The following LRBA variants were observed in gnomAD, a reference collection of about 807,000 sequenced individuals.
LRBA encodes lipopolysaccharide-responsive and beige-like anchor protein.
LRBA carries 176 observed loss-of-function variants against 330.0 expected under a neutral mutation model. The observed-to-expected ratio is 0.53, with a 90% CI of 0.47 to 0.60. LRBA has a LOEUF of 0.60. Ranked by LOEUF, LRBA falls within the 20% of genes least tolerant of loss-of-function variation. LRBA has a pLI of 0.00. For synonymous variants in LRBA, 1,230 were observed against 1,193.0 expected (o/e 1.03, Z -0.64); for missense variants, 3,259 against 3,444.8 (o/e 0.95, Z 1.35).
intron 44 of LRBA, among the ~76,000 whole-genome samples, chr4:150,448,524 G>A (rs559900914): frequency 1.3e-5 from 2 of 152,238 alleles, no homozygotes; most frequent in South Asian, 2.1e-4. Flanking sequence ...GAAGAAGGCC[G>A]GGCGTGGCGG....
intron 54 of LRBA, among the ~76,000 whole-genome samples, chr4:150,283,594 CT>C (rs924016237): frequency 6.6e-6 from 1 of 152,170 alleles, no homozygotes; most frequent in Non-Finnish European, 1.5e-5. Flanking sequence ...AAAAATAAGG[CT>C]TTTAGCTCTT....
intron 42 of LRBA, among the ~76,000 whole-genome samples, chr4:150,472,628 C>A (rs1270677043): frequency 6.6e-6 from 1 of 152,072 alleles, no homozygotes; most frequent in Non-Finnish European, 1.5e-5. Context: ...TGCCTTGTAC[C>A]TATTTACAGA....
chr4:150,728,916 A>G (rs1386651918), intron 36 of LRBA, among the ~76,000 whole-genome samples: 2 of 152,176 alleles, frequency 1.3e-5, no homozygotes, highest in Non-Finnish European at 2.9e-5. Flanking sequence ...AATTATCTTT[A>G]TTTGCAGATG....
chr4:150,825,109 A>G (rs1746033546), intron 30 of LRBA, among the ~76,000 whole-genome samples: 1 of 152,202 alleles, frequency 6.6e-6, no homozygotes, highest in Admixed American at 6.5e-5. Context: ...AGACACAAAA[A>G]TAAGTTAAAA....
intron 34 of LRBA, among the ~76,000 whole-genome samples, chr4:150,786,113 T>G (rs1739020906): frequency 1.3e-5 from 2 of 152,238 alleles, no homozygotes; most frequent in African/African-American, 4.8e-5. Context: ...TGTTAAGATG[T>G]AGGCATAGTT....
intron 53 of LRBA, among the ~76,000 whole-genome samples, chr4:150,299,927 A>C (rs1269104450): frequency 6.6e-6 from 1 of 152,106 alleles, no homozygotes; most frequent in African/African-American, 2.4e-5. Flanking sequence ...TCTAAGAGGT[A>C]CAATATAGGA....
At chr4:150,622,437 C>T (rs954410121) in intron 37 of LRBA, among the ~76,000 whole-genome samples, 4 of 152,104 alleles carry the variant, frequency 2.6e-5, no homozygotes, top group Non-Finnish European at 4.4e-5. Context: ...ACTTGAGAGG[C>T]TAAAGCAGGA....
At chr4:150,879,703 A>G (rs893342437) in intron 17 of LRBA, among the ~76,000 whole-genome samples, 2 of 152,222 alleles carry the variant, frequency 1.3e-5, no homozygotes, top group Non-Finnish European at 2.9e-5. Flanking sequence ...AAAAATCAGT[A>G]GCATTTCCAA....
intron 9 of LRBA, among the ~76,000 whole-genome samples, chr4:150,910,248 C>A (rs757423891): frequency 5.3e-5 from 8 of 152,130 alleles, no homozygotes; most frequent in Non-Finnish European, 1.2e-4. Context: ...TGTCGTAAAG[C>A]TTTTCCCTTG....
At chr4:150,958,427 C>A (rs1315357697) in intron 2 of LRBA, among the ~76,000 whole-genome samples, 1 of 148,942 alleles carries the variant, frequency 6.7e-6, no homozygotes, top group East Asian at 1.9e-4. Context: ...CGGAGGCCAG[C>A]CCACAAAACC....
At chr4:150,578,676 T>G (rs1211826666) in intron 40 of LRBA, among the ~76,000 whole-genome samples, 1 of 152,210 alleles carries the variant, frequency 6.6e-6, no homozygotes, top group African/African-American at 2.4e-5. Context: ...CATCCTCATA[T>G]TTTAGTTTAT....
chr4:150,726,814 A>G (rs1397628282), intron 36 of LRBA, among the ~76,000 whole-genome samples: 1 of 152,030 alleles, frequency 6.6e-6, no homozygotes, highest in Non-Finnish European at 1.5e-5. Context: ...TCAAGATGAG[A>G]TTTGGATGGG....
chr4:150,657,038 G>A (rs1447665137), intron 37 of LRBA, among the ~76,000 whole-genome samples: 1 of 152,132 alleles, frequency 6.6e-6, no homozygotes, highest in African/African-American at 2.4e-5. Context: ...TCACCCAGTG[G>A]AGGAATCTCT....
chr4:150,685,777 A>T (rs1783567401), intron 36 of LRBA, among the ~76,000 whole-genome samples: 1 of 151,898 alleles, frequency 6.6e-6, no homozygotes, highest in Admixed American at 6.6e-5. Flanking sequence ...TATGCTAGGG[A>T]GATGAAAAGC....
At chr4:151,002,848 C>A (rs1579462033) in intron 2 of LRBA, among the ~76,000 whole-genome samples, 1 of 151,312 alleles carries the variant, frequency 6.6e-6, no homozygotes, top group Non-Finnish European at 1.5e-5. Context: ...GGCAACATGG[C>A]AACTACCCCC....
chr4:150,374,056 C>T (rs190822620), intron 47 of LRBA, among the ~76,000 whole-genome samples: 108 of 152,294 alleles, frequency 7.1e-4, no homozygotes, highest in Non-Finnish European at 1.2e-3. Flanking sequence ...TCAAAAGCCA[C>T]GTTCACCCAC....
At chr4:150,593,204 A>G (rs1474348175) in intron 38 of LRBA, among the ~76,000 whole-genome samples, 1 of 152,176 alleles carries the variant, frequency 6.6e-6, no homozygotes, top group East Asian at 1.9e-4. Context: ...TTTTCCAGTT[A>G]GATTTTAGTA....
intron 40 of LRBA, among the ~76,000 whole-genome samples, chr4:150,546,686 G>T (rs1158023799): frequency 6.6e-6 from 1 of 152,120 alleles, no homozygotes; most frequent in African/African-American, 2.4e-5. Flanking sequence ...CCTTGAAAGA[G>T]AAAAGTTCTA....
chr4:150,950,887 C>T (rs1736766784), intron 2 of LRBA, among the ~76,000 whole-genome samples: 1 of 152,144 alleles, frequency 6.6e-6, no homozygotes, highest in Non-Finnish European at 1.5e-5. Flanking sequence ...GTGATTAATA[C>T]AAGACTGAGA....
Sources: gnomAD v4.1 joint callset for allele counts (sites outside exome capture counted in the v4.1 genomes callset) on GRCh38, gnomAD v4.1.1 for gene constraint, MANE v1.5 for transcripts, NCBI Gene and HGNC (gene_info 2026-07-23, HGNC 2026-07-21) for gene names.